RBMS3: variants seen among roughly 807,000 people sequenced by gnomAD.
RBMS3 encodes RNA-binding motif, single-stranded-interacting protein 3.
A neutral mutation model predicts 66.8 loss-of-function variants in RBMS3; 27 were observed. The ratio of observed to expected loss-of-function variants is 0.40; its 90% confidence interval spans 0.30 to 0.56. The LOEUF (loss-of-function observed/expected upper bound fraction) is 0.56. Ranked by LOEUF, RBMS3 falls within the 20% of genes least tolerant of loss-of-function variation. The pLI, the probability that RBMS3 is intolerant of heterozygous loss-of-function variation, is 0.40. For synonymous variants in RBMS3, 188 were observed against 183.0 expected, an observed-to-expected ratio of 1.03 and a Z score of -0.22; for missense variants, 513 against 549.5, an observed-to-expected ratio of 0.93 and a Z score of 0.66.
chr3:29,963,916 A>G (rs1696653574), intron 12 of RBMS3, among the ~76,000 whole-genome samples: 1 of 152,040 alleles, frequency 6.6e-6, no homozygotes, highest in South Asian at 2.1e-4. Context: ...GAGAAAAAGT[A>G]ACTCACACCT....
At chr3:29,858,477 C>CA (rs1453702470) in intron 6 of RBMS3, among the ~76,000 whole-genome samples, 1 of 152,162 alleles carries the variant, frequency 6.6e-6, no homozygotes, top group African/African-American at 2.4e-5. Flanking sequence ...ATCTTAGTAA[C>CA]TTTTTCCTTG....
intron 10 of RBMS3, among the ~76,000 whole-genome samples, chr3:29,931,260 A>G (rs1356822931): frequency 3.3e-5 from 5 of 152,342 alleles, no homozygotes; most frequent in Middle Eastern, 3.4e-3. Context: ...GTATAAACAT[A>G]ATGTCTTCCC....
chr3:29,561,432 T>TTGTTGTTG (rs1559470074), intron 3 of RBMS3, among the ~76,000 whole-genome samples: 9 of 149,052 alleles, frequency 6.0e-5, no homozygotes, highest in African/African-American at 2.3e-4. Context: ...ATCTGTTGTT[T>TTGTTGTTG]TTGTTGTTGT....
intron 10 of RBMS3, among the ~76,000 whole-genome samples, chr3:29,913,491 C>T (rs998760597): frequency 1.3e-5 from 2 of 151,870 alleles, no homozygotes; most frequent in African/African-American, 4.8e-5. Context: ...TTTCATTGCA[C>T]ATAACTGAGG....
chr3:29,770,760 C>T (rs763616283), intron 6 of RBMS3, among the ~76,000 whole-genome samples: 12 of 151,918 alleles, frequency 7.9e-5, no homozygotes, highest in South Asian at 2.1e-4. Context: ...AGTGTCTGTC[C>T]GGATGAGTCC....
At chr3:29,881,671 T>C (rs954790756) in intron 7 of RBMS3, among the ~76,000 whole-genome samples, 2 of 152,194 alleles carry the variant, frequency 1.3e-5, no homozygotes, top group African/African-American at 2.4e-5. Flanking sequence ...CAAATGTGTG[T>C]TGAAGAAAGA....
intron 4 of RBMS3, among the ~76,000 whole-genome samples, chr3:29,720,794 G>A (rs1053956840): frequency 2.6e-5 from 4 of 151,652 alleles, no homozygotes; most frequent in African/African-American, 9.7e-5. Flanking sequence ...TGGAGGATCG[G>A]TCAACGACAC....
At chr3:29,675,204 G>A (rs886650483) in intron 4 of RBMS3, among the ~76,000 whole-genome samples, 1 of 152,132 alleles carries the variant, frequency 6.6e-6, no homozygotes, top group African/African-American at 2.4e-5. Flanking sequence ...AAATAGCGCT[G>A]GGAAAACTGG....
intron 4 of RBMS3, among the ~76,000 whole-genome samples, chr3:29,592,002 T>C (rs1463141789): frequency 6.6e-6 from 1 of 151,982 alleles, no homozygotes; most frequent in Non-Finnish European, 1.5e-5. Flanking sequence ...TGTAAAAATA[T>C]TATATCTACC....
At chr3:29,576,613 G>T (rs1161119094) in intron 3 of RBMS3, among the ~76,000 whole-genome samples, 1 of 152,174 alleles carries the variant, frequency 6.6e-6, no homozygotes, top group Non-Finnish European at 1.5e-5. Context: ...GATACTGTCT[G>T]GGAGCCAGGG....
intron 3 of RBMS3, among the ~76,000 whole-genome samples, chr3:29,501,463 T>C (rs2043969659): frequency 6.6e-6 from 1 of 152,176 alleles, no homozygotes; most frequent in African/African-American, 2.4e-5. Context: ...CTGTAGACAA[T>C]AGAAAGCCAG....
At chr3:29,637,714 T>C (rs575583610) in intron 4 of RBMS3, among the ~76,000 whole-genome samples, 4 of 152,008 alleles carry the variant, frequency 2.6e-5, no homozygotes, top group African/African-American at 9.6e-5. Flanking sequence ...ACTTTGTAAG[T>C]CCCTCATTTC....
chr3:29,585,186 G>T (rs773637969), intron 3 of RBMS3, among the ~76,000 whole-genome samples: 1 of 152,136 alleles, frequency 6.6e-6, no homozygotes, highest in East Asian at 1.9e-4. Flanking sequence ...GAACGGATGA[G>T]GAAGATTGGC....
intron 4 of RBMS3, among the ~76,000 whole-genome samples, chr3:29,702,200 TA>T (rs1457561156): frequency 6.6e-6 from 1 of 152,098 alleles, no homozygotes; most frequent in African/African-American, 2.4e-5. Flanking sequence ...TATGTCTAGC[TA>T]AAGGATTGTA....
At chr3:29,772,118 G>A (rs1354217163) in intron 6 of RBMS3, among the ~76,000 whole-genome samples, 6 of 151,940 alleles carry the variant, frequency 3.9e-5, no homozygotes, top group African/African-American at 9.7e-5. Flanking sequence ...CAACATTGCC[G>A]GCCTTGAAGA....
At chr3:29,748,325 G>T (rs1229788238) in intron 5 of RBMS3, among the ~76,000 whole-genome samples, 1 of 152,128 alleles carries the variant, frequency 6.6e-6, no homozygotes, top group Non-Finnish European at 1.5e-5. Flanking sequence ...AATAATGTCA[G>T]CCTTAAATAA....
At chr3:29,914,931 A>G (rs1397364453) in intron 10 of RBMS3, among the ~76,000 whole-genome samples, 3 of 151,886 alleles carry the variant, frequency 2.0e-5, no homozygotes, top group Admixed American at 6.6e-5. Context: ...TAGTGGAAGA[A>G]CAACAAAATT....
chr3:29,753,189 G>A (rs894289451), intron 5 of RBMS3, among the ~76,000 whole-genome samples: 11 of 152,122 alleles, frequency 7.2e-5, no homozygotes, highest in Non-Finnish European at 1.3e-4. Flanking sequence ...CAAAATGAAA[G>A]CATTTGCAGT....
chr3:29,407,089 A>G (rs2040051486), intron 1 of RBMS3, among the ~76,000 whole-genome samples: 1 of 152,238 alleles, frequency 6.6e-6, no homozygotes, highest in Non-Finnish European at 1.5e-5. Context: ...TACATTTTGT[A>G]GAATCAATGT....
Sources: gnomAD v4.1 joint callset for allele counts (sites outside exome capture counted in the v4.1 genomes callset) on GRCh38, gnomAD v4.1.1 for gene constraint, MANE v1.5 for transcripts, NCBI Gene and HGNC (gene_info 2026-07-23, HGNC 2026-07-21) for gene names.